Variants in TBC1D22A observed in about 807,000 individuals in gnomAD.
The protein encoded by TBC1D22A is putative GTPase activator.
Under a neutral mutation model 60.2 loss-of-function variants are expected in TBC1D22A, and 38 were observed. The ratio of observed to expected loss-of-function variants is 0.63; its 90% CI spans 0.49 to 0.83. The LOEUF is 0.83. Among genes scored for constraint, TBC1D22A ranks in the 40% least tolerant of loss-of-function variants. TBC1D22A has a pLI of 0.00. For missense variants in TBC1D22A, 628 were observed against 701.0 expected (o/e 0.90, Z 1.18); for synonymous variants, 302 against 281.7 (o/e 1.07, Z -0.72).
intron 11 of TBC1D22A, among the ~76,000 whole-genome samples, chr22:47,101,465 C>A (rs114713807): frequency 6.6e-6 from 1 of 152,220 alleles, no homozygotes; most frequent in South Asian, 2.1e-4. Context: ...TGGCCGGGTC[C>A]GAGACCTGTG....
At chr22:47,117,223 G>A (rs183779519) in intron 12 of TBC1D22A, 79 of 165,584 alleles carry the variant, frequency 4.8e-4, no homozygotes, top group Non-Finnish European at 9.4e-4. Flanking sequence ...GACGGGGCAG[G>A]ATGGCGCATG....
intron 1 of TBC1D22A, among the ~76,000 whole-genome samples, chr22:46,776,219 G>C (rs183385393): frequency 5.3e-4 from 81 of 152,316 alleles, no homozygotes; most frequent in African/African-American, 1.9e-3. Flanking sequence ...GCTGGGACAA[G>C]GCCTTCTTGG....
chr22:47,132,409 A>G (rs531222971), intron 12 of TBC1D22A, among the ~76,000 whole-genome samples: 2 of 152,274 alleles, frequency 1.3e-5, no homozygotes, highest in African/African-American at 4.8e-5. Flanking sequence ...TGATCCCTTC[A>G]TGCTTCTGCC....
At chr22:47,115,621 C>T (rs778135898) in intron 12 of TBC1D22A, among the ~76,000 whole-genome samples, 28 of 152,206 alleles carry the variant, frequency 1.8e-4, no homozygotes, top group Non-Finnish European at 3.8e-4. Context: ...GACACTGGGG[C>T]CCAGCAGGGG....
chr22:47,110,075 C>T (rs1483106133), intron 11 of TBC1D22A, among the ~76,000 whole-genome samples: 5 of 152,196 alleles, frequency 3.3e-5, no homozygotes, highest in Admixed American at 6.5e-5. Context: ...CCTCGTTCTG[C>T]GGTAGCTGTG....
chr22:46,972,175 G>T (rs149836161), intron 8 of TBC1D22A, among the ~76,000 whole-genome samples: 90 of 152,338 alleles, frequency 5.9e-4, no homozygotes, highest in African/African-American at 2.0e-3. Flanking sequence ...CCGGGTCCCA[G>T]GAGGAACCCA....
At chr22:46,771,453 G>C (rs749406378) in intron 1 of TBC1D22A, among the ~76,000 whole-genome samples, 6 of 152,056 alleles carry the variant, frequency 3.9e-5, no homozygotes, top group Non-Finnish European at 8.8e-5. Context: ...ACTGAACAGT[G>C]TATACTGAAC....
At chr22:47,004,168 C>T (rs2061499836) in intron 10 of TBC1D22A, among the ~76,000 whole-genome samples, 2 of 150,180 alleles carry the variant, frequency 1.3e-5, no homozygotes, top group African/African-American at 4.9e-5. Flanking sequence ...ATACACACAC[C>T]CCTGCACACA....
chr22:46,874,694 C>G (rs1035603578), intron 4 of TBC1D22A, among the ~76,000 whole-genome samples: 1 of 151,326 alleles, frequency 6.6e-6, no homozygotes, highest in Admixed American at 6.6e-5. Context: ...CTGCCTTAGC[C>G]TCCCAAGTAG....
chr22:47,163,939 C>G (rs115188370), intron 12 of TBC1D22A, among the ~76,000 whole-genome samples: 1 of 152,350 alleles, frequency 6.6e-6, no homozygotes, highest in African/African-American at 2.4e-5. Context: ...CTGTGAGCAG[C>G]CCATGGCCAC....
chr22:46,984,882 G>T (rs913548199), intron 9 of TBC1D22A, among the ~76,000 whole-genome samples: 7 of 152,310 alleles, frequency 4.6e-5, no homozygotes, highest in African/African-American at 1.7e-4. Flanking sequence ...TGGGGCTGGC[G>T]TGAGTTGACC....
intron 8 of TBC1D22A, among the ~76,000 whole-genome samples, chr22:46,957,464 A>G (rs1331852758): frequency 6.6e-6 from 1 of 152,206 alleles, no homozygotes; most frequent in East Asian, 1.9e-4. Flanking sequence ...AGCAGGGGAA[A>G]TGTCGGATGC....
chr22:46,775,528 G>C (rs117216048), intron 1 of TBC1D22A, among the ~76,000 whole-genome samples: 3,816 of 152,330 alleles, frequency 0.025, 55 homozygotes, highest in Non-Finnish European at 0.038. Context: ...CAAGTTCTCA[G>C]GTTTATTGAT....
chr22:46,836,365 TTTTGTGTGCGATTGATG>T (rs1017931308), intron 4 of TBC1D22A, among the ~76,000 whole-genome samples: 5 of 152,154 alleles, frequency 3.3e-5, no homozygotes, highest in Non-Finnish European at 5.9e-5. Context: ...AGTATAAAGT[TTTTGTGTGCGATTGATG>T]TTAAGTTGTT....
intron 8 of TBC1D22A, among the ~76,000 whole-genome samples, chr22:46,965,473 T>C (rs2073756249): frequency 6.6e-6 from 1 of 152,224 alleles, no homozygotes; most frequent in Non-Finnish European, 1.5e-5. Flanking sequence ...CTGTGGGTTT[T>C]AAAGCCTTCG....
chr22:47,134,015 G>C (rs1232797658), intron 12 of TBC1D22A, among the ~76,000 whole-genome samples: 4 of 152,136 alleles, frequency 2.6e-5, no homozygotes, highest in Non-Finnish European at 5.9e-5. Context: ...GTCCACTCCA[G>C]TTATTCCAGA....
chr22:47,119,597 A>G (rs1264729899), intron 12 of TBC1D22A, among the ~76,000 whole-genome samples: 2 of 152,012 alleles, frequency 1.3e-5, no homozygotes, highest in South Asian at 4.2e-4. Flanking sequence ...CCTGGGTTCA[A>G]GTGATTCTCC....
At chr22:46,964,892 G>A (rs894419465) in intron 8 of TBC1D22A, among the ~76,000 whole-genome samples, 1 of 152,246 alleles carries the variant, frequency 6.6e-6, no homozygotes, top group Non-Finnish European at 1.5e-5. Context: ...TGCGACAGGG[G>A]CCACAGCCAC....
intron 11 of TBC1D22A, among the ~76,000 whole-genome samples, chr22:47,050,567 G>A (rs1297416732): frequency 6.6e-6 from 1 of 152,224 alleles, no homozygotes; most frequent in African/African-American, 2.4e-5. Flanking sequence ...GCCAGCATTT[G>A]CTTGGGACCG....
Sources: allele counts gnomAD v4.1 joint callset (sites outside exome capture counted in the v4.1 genomes callset), GRCh38; gene constraint gnomAD v4.1.1; transcripts MANE v1.5; gene names NCBI Gene and HGNC (gene_info 2026-07-23, HGNC 2026-07-21).